Variants in CNTN6 observed in about 807,000 individuals in gnomAD.
The protein encoded by CNTN6 is contactin-6.
In CNTN6, 137 loss-of-function variants were observed where a neutral mutation model predicts 122.8. That is an observed-to-expected ratio of 1.12 (90% CI 0.97 to 1.29). CNTN6 has a LOEUF of 1.29. Ranked by LOEUF, CNTN6 falls within the 50% of genes most tolerant of loss-of-function variation. The pLI, the probability that CNTN6 is intolerant of heterozygous loss-of-function variation, is 0.00. For missense variants in CNTN6, 1,634 were observed against 1,223.4 expected, an observed-to-expected ratio of 1.34 and a Z score of -5.01; for synonymous variants, 570 against 426.0, an observed-to-expected ratio of 1.34 and a Z score of -4.16.
In CNTN6 at chr3:1,131,625, T is replaced by G. The variant is rs185965726; in HGVS notation, c.-82-16302T>G. On this transcript the variant is annotated intron_variant, in intron 1 of 22. Coordinates refer to ENST00000446702, the MANE Select transcript of CNTN6 (RefSeq NM_001289080.2). ...GTGGCAAGGAAGACCTCAAGGCAGT[T>G]AGCACCTGGGAACCTCCAGGGATAG... 1.0e-3 allele frequency among the ~76,000 whole-genome samples: 156 copies of G among 152,222 alleles called. 1 individual carries two copies. The highest frequency in any genetic ancestry group is 3.6e-3 in the African/African-American group (150 of 41,550).
At chr3:1,098,001 T>A (rs144237254) in intron 1 of CNTN6, among the ~76,000 whole-genome samples, 5 of 151,816 alleles carry the variant, frequency 3.3e-5, no homozygotes, top group Admixed American at 6.6e-5. Context: ...GATATAGAGA[T>A]GCTGGTCTCT....
At chr3:1,372,604 T>G (rs1709212075) in intron 13 of CNTN6, 130 bp downstream of exon 13, 2 of 864,808 alleles carry the variant, frequency 2.3e-6, no homozygotes, top group Admixed American at 3.2e-5. Context: ...AAGCTACATT[T>G]GTTTTTGTTT....
At chr3:1,229,461 C>G (rs1292513426) in intron 4 of CNTN6, among the ~76,000 whole-genome samples, 1 of 151,936 alleles carries the variant, frequency 6.6e-6, no homozygotes, top group Non-Finnish European at 1.5e-5. Context: ...TTTGCTATAC[C>G]CTCGAGTTTC....
intron 2 of CNTN6, among the ~76,000 whole-genome samples, chr3:1,194,263 T>G (rs543135074): frequency 6.6e-6 from 1 of 152,130 alleles, no homozygotes; most frequent in Non-Finnish European, 1.5e-5. Flanking sequence ...TTGATATTTT[T>G]AAAGGGAGAC....
chr3:1,333,966 A>G (rs901355724), intron 11 of CNTN6, among the ~76,000 whole-genome samples: 2 of 152,110 alleles, frequency 1.3e-5, no homozygotes, highest in Non-Finnish European at 2.9e-5. Flanking sequence ...TGTGTTGATA[A>G]TTCAGATTAA....
chr3:1,345,465 A>C (rs897098953), intron 11 of CNTN6, among the ~76,000 whole-genome samples: 1 of 152,184 alleles, frequency 6.6e-6, no homozygotes, highest in Non-Finnish European at 1.5e-5. Context: ...TGGAAAGGAC[A>C]ACCTTTATTT....
chr3:1,273,210 T>A (rs2095054451), intron 4 of CNTN6, among the ~76,000 whole-genome samples: 1 of 152,178 alleles, frequency 6.6e-6, no homozygotes, highest in Non-Finnish European at 1.5e-5. Context: ...AGGATTTGTA[T>A]CCCGTGCACA....
chr3:1,094,711 A>C (rs1041809302), intron 1 of CNTN6, among the ~76,000 whole-genome samples: 4 of 152,084 alleles, frequency 2.6e-5, no homozygotes, highest in Admixed American at 6.6e-5. Context: ...AAAAAAATCA[A>C]TTATGTTGTG....
At position 1,329,881 on chromosome 3, in the gene CNTN6, C is replaced by A; in HGVS notation, c.1310C>A (p.Pro437His). The change falls in exon 11 of 23, where the codon CCC (proline) becomes CAC (histidine). Residue 437 changes from proline (P) to histidine (H), a missense_variant. Transcript: ENST00000446702. ...IVIGCKPNAFPRAAISWKRGT... is the reference protein window; with the variant it reads ...IVIGCKPNAFHRAAISWKRGT... ...ATCGGATGCAAACCAAATGCTTTTC[C>A]CAGGGCAGCTATCTCTTGGAAAAGA... The A allele has an allele frequency of 6.2e-7, 1 of 1,610,318 alleles. No individual in the cohort carries two copies. The highest frequency in any genetic ancestry group is 1.1e-5 in the South Asian group (1 of 90,770).
At chr3:1,260,684 A>G (rs2094830885) in intron 4 of CNTN6, among the ~76,000 whole-genome samples, 1 of 152,016 alleles carries the variant, frequency 6.6e-6, no homozygotes, top group Admixed American at 6.6e-5. Flanking sequence ...GAGGTAATTG[A>G]ATCATGGGGG....
intron 4 of CNTN6, among the ~76,000 whole-genome samples, chr3:1,271,170 G>C (rs1054804417): frequency 6.6e-6 from 1 of 152,170 alleles, no homozygotes; most frequent in Non-Finnish European, 1.5e-5. Context: ...GAGCCATGGC[G>C]CCTTGTCTAG....
intron 1 of CNTN6, among the ~76,000 whole-genome samples, chr3:1,100,704 A>G (rs1243725313): frequency 6.6e-6 from 1 of 152,110 alleles, no homozygotes; most frequent in Non-Finnish European, 1.5e-5. Flanking sequence ...AATTTCTACC[A>G]ATCTGTATTT....
intron 19 of CNTN6, among the ~76,000 whole-genome samples, 157 bp from the exon 20 acceptor site, chr3:1,385,454 G>T (rs375467581): frequency 6.6e-6 from 1 of 152,004 alleles, no homozygotes; most frequent in Non-Finnish European, 1.5e-5. Context: ...TAACAATTTT[G>T]TTGTTGTATA....
intron 1 of CNTN6, among the ~76,000 whole-genome samples, chr3:1,115,154 A>G (rs2091661518): frequency 6.6e-6 from 1 of 152,198 alleles, no homozygotes; most frequent in Non-Finnish European, 1.5e-5. Context: ...AATATAAATA[A>G]ATGTAACATA....
rs559021256 is a variant in CNTN6, at chr3:1,262,463, A to T, written c.359-15950A>T. Among the ~76,000 whole-genome samples, 4 of 152,232 alleles carry T rather than the reference A, an allele frequency of 2.6e-5. No homozygotes were observed. In the South Asian group the frequency reaches 6.2e-4, roughly 24 times the overall value. On this transcript the variant is annotated intron_variant, in intron 4 of 22. Coordinates refer to ENST00000446702, the MANE Select transcript of CNTN6 (RefSeq NM_001289080.2). The stretch of plus-strand genomic sequence containing the variant: ...TGGCAAGTGTCCTTCCTGTTCCCAG[A>T]TATGCCTCCTGCACTTTGTTGGTCT...
chr3:1,220,951 G>T, intron 3 of CNTN6, 138 bp downstream of exon 3: 1 of 900,032 alleles, frequency 1.1e-6, no homozygotes, highest in Non-Finnish European at 1.6e-6. Flanking sequence ...ATGCAGCCAT[G>T]TGACAATCAC....
chr3:1,132,932 A>T (rs1468553109), intron 1 of CNTN6, among the ~76,000 whole-genome samples: 2 of 152,148 alleles, frequency 1.3e-5, no homozygotes, highest in African/African-American at 2.4e-5. Flanking sequence ...CAAAATTATT[A>T]TTGCTTCTGA....
At chr3:1,380,966 T>C (rs1484533645) in intron 17 of CNTN6, among the ~76,000 whole-genome samples, 1 of 152,120 alleles carries the variant, frequency 6.6e-6, no homozygotes, top group Non-Finnish European at 1.5e-5. Flanking sequence ...CCTTGTTAAA[T>C]AACTATATAT....
At chr3:1,295,522 C>A (rs1025199287) in intron 5 of CNTN6, 79 bp from the exon 6 acceptor site, 5 of 1,271,800 alleles carry the variant, frequency 3.9e-6, no homozygotes, top group Admixed American at 2.0e-5. Context: ...GGAAGTAAGA[C>A]AAAGAATTTT....
Sources: allele counts gnomAD v4.1 joint callset (sites outside exome capture counted in the v4.1 genomes callset), GRCh38; gene constraint gnomAD v4.1.1; transcripts MANE v1.5; gene names NCBI Gene and HGNC (gene_info 2026-07-23, HGNC 2026-07-21).